Variants in ANKFY1 observed in about 807,000 individuals in gnomAD.
ANKFY1 encodes the protein ankyrin repeat and FYVE domain-containing protein 1.
Under a neutral mutation model 128.3 loss-of-function variants are expected in ANKFY1, and 47 were observed. The observed-to-expected ratio is 0.37, with a 90% CI of 0.29 to 0.47. ANKFY1 has a LOEUF of 0.47. Ranked by LOEUF, ANKFY1 falls within the 20% of genes least tolerant of loss-of-function variation. The pLI, the probability that ANKFY1 is intolerant of heterozygous loss-of-function variation, is 1.00. For synonymous variants in ANKFY1, 553 were observed against 601.6 expected (o/e 0.92, Z 1.18); for missense variants, 1,222 against 1,510.6 (o/e 0.81, Z 3.17).
chr17:4,232,357 G>A (rs2060527219), intron 3 of ANKFY1, among the ~76,000 whole-genome samples: 1 of 152,164 alleles, frequency 6.6e-6, no homozygotes, highest in South Asian at 2.1e-4. Flanking sequence ...TAGGCAATGA[G>A]CAGGACTGCT....
At chr17:4,207,749 G>T (rs2060051814) in intron 6 of ANKFY1, among the ~76,000 whole-genome samples, 184 bp downstream of exon 6, 1 of 151,956 alleles carries the variant, frequency 6.6e-6, no homozygotes, top group Non-Finnish European at 1.5e-5. Context: ...ATGGGCTAAG[G>T]CTGGAAGAAT....
chr17:4,185,770 G>T (rs1021897811), intron 11 of ANKFY1, among the ~76,000 whole-genome samples: 3 of 151,990 alleles, frequency 2.0e-5, no homozygotes, highest in Non-Finnish European at 4.4e-5. Flanking sequence ...AATAATATAT[G>T]CTTATCACGA....
intron 4 of ANKFY1, among the ~76,000 whole-genome samples, chr17:4,214,467 T>C (rs2060187155): frequency 6.6e-6 from 1 of 152,148 alleles, no homozygotes; most frequent in Admixed American, 6.5e-5. Context: ...TTTTAATTAT[T>C]ATTTTTAACT....
Position 4,181,442 on chromosome 17 carries a change from G to C in ANKFY1, c.2122-70C>G. 1 of 1,069,572 alleles carries C rather than the reference G, an allele frequency of 9.3e-7. No homozygotes were observed. Among genetic ancestry groups the C allele is most frequent in the Non-Finnish European group, 1.5e-6 (1 of 686,486 alleles). The allele number at this position is 1,069,572 out of a possible 1,614,324, so 66.3% of individuals were successfully genotyped here. A position where few individuals can be genotyped will look rare whatever the true frequency, so the allele number is the denominator to read the frequency against. ...CAAACAGTTTTATTACCAAGTCTGA[G>C]CTCTATGTATAGCATTAAATCCACT... is the stretch of plus-strand genomic sequence containing the variant. On this transcript the variant is annotated intron_variant, in intron 15 of 24. Transcript: ENST00000341657. The surrounding 1 kb of genome is among the most constrained non-coding windows in gnomAD (Gnocchi z 4.9).
chr17:4,207,810 G>C, intron 6 of ANKFY1, 123 bp downstream of exon 6: 2 of 1,011,454 alleles, frequency 2.0e-6, no homozygotes, highest in Non-Finnish European at 2.8e-6. Context: ...AAACTATTTA[G>C]TAGAAATCCG....
At position 4,216,970 on chromosome 17, in the gene ANKFY1, T is replaced by C; in HGVS notation, c.458+13A>G. 1 of 1,614,044 alleles carries C rather than the reference T, an allele frequency of 6.2e-7. No individual in the cohort carries two copies. The highest frequency in any genetic ancestry group is 1.1e-5 in the South Asian group (1 of 91,050). ...ACCATCTGAGGTGCTTGAATATATC[T>C]GCTGTGACTTGCCTCTCCCTGAGGA... On this transcript the variant is annotated intron_variant, in intron 4 of 24. Coordinates refer to ENST00000341657, the MANE Select transcript of ANKFY1 (RefSeq NM_001330063.2).
intron 4 of ANKFY1, among the ~76,000 whole-genome samples, chr17:4,210,997 A>G (rs9890170): frequency 0.83 from 125,603 of 151,886 alleles, 56,348 homozygotes; most frequent in South Asian, 0.99. Context: ...ACGCCACTGC[A>G]CTCCAGCCTG....
chr17:4,239,899 G>A (rs1967114047), intron 2 of ANKFY1, among the ~76,000 whole-genome samples: 2 of 151,984 alleles, frequency 1.3e-5, no homozygotes, highest in South Asian at 4.2e-4. Context: ...TCCCCCTAGT[G>A]GCTCAAGTCC....
At chr17:4,263,093 C>T (rs1968508862) in intron 1 of ANKFY1, among the ~76,000 whole-genome samples, 1 of 152,192 alleles carries the variant, frequency 6.6e-6, no homozygotes, top group African/African-American at 2.4e-5. Flanking sequence ...TGTCCCTGCA[C>T]GATTCCTGAC....
intron 2 of ANKFY1, among the ~76,000 whole-genome samples, chr17:4,240,679 A>G (rs1967162911): frequency 1.3e-5 from 2 of 152,356 alleles, no homozygotes; most frequent in South Asian, 2.1e-4. Context: ...GGCATGCGCC[A>G]CTGCGCCCAG....
intron 11 of ANKFY1, chr17:4,186,251 T>C (rs1298134077): frequency 3.9e-5 from 6 of 152,436 alleles, no homozygotes; most frequent in Non-Finnish European, 7.3e-5. Context: ...GGCGCTTGCA[T>C]AAGGTGCCTG....
In ANKFY1 at chr17:4,195,125, C is replaced by A; in HGVS notation, c.1225G>T (p.Val409Leu). 6.2e-7 allele frequency: 1 copy of A among 1,614,000 alleles called. No individual in the cohort carries two copies. Among genetic ancestry groups the A allele is most frequent in the Non-Finnish European group, 8.5e-7 (1 of 1,179,874 alleles). ...HEGSTALWLA[V>L]QHITVSSDQS... ...TCAGAAGACACTGTGATATGCTGCA[C>A]TGCCAGCCACAGAGCCGTGCTGCCC... The change falls in exon 10 of 25, where the codon GTG becomes TTG. Residue 409 changes from valine (V) to leucine (L), a missense_variant. Coordinates refer to ENST00000341657, the MANE Select transcript of ANKFY1 (RefSeq NM_001330063.2).
chr17:4,172,727 T>TCACA, intron 21 of ANKFY1, 47 bp from the exon 22 acceptor site: 1 of 1,604,412 alleles, frequency 6.2e-7, no homozygotes, highest in Non-Finnish European at 8.5e-7. Context: ...GCCATGGCCA[T>TCACA]CACACACAAA....
intron 2 of ANKFY1, among the ~76,000 whole-genome samples, chr17:4,238,621 G>T (rs990847002): frequency 1.3e-5 from 2 of 151,820 alleles, no homozygotes; most frequent in Non-Finnish European, 2.9e-5. Context: ...TTACAGGTGC[G>T]CGCCACCACG....
In ANKFY1 at chr17:4,179,713, C is replaced by T. The variant is rs114683127; in HGVS notation, c.2397+8G>A. 1,025 of 1,613,446 alleles carry T rather than the reference C, an allele frequency of 6.4e-4. 6 individuals are homozygous for T. The African/African-American group carries it at 0.012, about 18-fold the overall frequency. On this transcript the variant is annotated splice_region_variant and intron_variant, in intron 17 of 24. Transcript: ENST00000341657. Reference sequence around the variant, plus strand: ...CACCTCTCTCCCCGGAAAAGAGAAACGACACACCTGTGCGTTCACGTTGGC... The same window carrying T: ...CACCTCTCTCCCCGGAAAAGAGAAATGACACACCTGTGCGTTCACGTTGGC...
chr17:4,263,510 G>T (rs1407576375), intron 1 of ANKFY1: 2 of 800,146 alleles, frequency 2.5e-6, no homozygotes, highest in Non-Finnish European at 3.6e-6. Flanking sequence ...GGAGACCCAC[G>T]CTCTTCCGCA....
chr17:4,186,873 C>A, intron 11 of ANKFY1: 9 of 1,033,214 alleles, frequency 8.7e-6, no homozygotes, highest in Non-Finnish European at 1.0e-5. Context: ...AATTTTCCCA[C>A]TGCCTGTTAG....
intron 3 of ANKFY1, chr17:4,222,347 T>G (rs956896139): frequency 2.7e-6 from 2 of 746,356 alleles, no homozygotes; most frequent in Non-Finnish European, 5.0e-6. Flanking sequence ...ACAAATGACC[T>G]TATTATTCAC....
chr17:4,233,971 C>T (rs577768808), intron 3 of ANKFY1, among the ~76,000 whole-genome samples: 2 of 152,320 alleles, frequency 1.3e-5, no homozygotes, highest in East Asian at 1.9e-4. Context: ...ACTGCAGATA[C>T]GATGATGGTC....
Sources: allele counts gnomAD v4.1 joint callset (sites outside exome capture counted in the v4.1 genomes callset), GRCh38; gene constraint gnomAD v4.1.1; non-coding constraint Gnocchi (gnomAD v3.1); transcripts MANE v1.5; gene names NCBI Gene and HGNC (gene_info 2026-07-23, HGNC 2026-07-21).